Variants in RPL23A observed in about 807,000 individuals in gnomAD.
The protein encoded by RPL23A is ribosomal protein L23a.
RPL23A carries 2 observed loss-of-function variants against 17.6 expected under a neutral mutation model. That is an observed-to-expected ratio of 0.11 (90% CI 0.05 to 0.36). RPL23A has a LOEUF of 0.36. RPL23A is among the 10% of genes least tolerant of loss of function. The pLI, the probability that RPL23A is intolerant of heterozygous loss-of-function variation, is 1.00. For missense variants in RPL23A, 132 were observed against 194.4 expected, an observed-to-expected ratio of 0.68 and a Z score of 1.91; for synonymous variants, 65 against 74.3, an observed-to-expected ratio of 0.87 and a Z score of 0.65.
At chr17:28,723,442 A>G (rs1344130210) in intron 3 of RPL23A, 129 bp from the exon 4 acceptor site, 1 of 812,028 alleles carries the variant, frequency 1.2e-6, no homozygotes, top group Non-Finnish European at 2.2e-6. Context: ...CTAATGATGG[A>G]AAAATCATTA....
At position 28,721,036 on chromosome 17, in the gene RPL23A, GCTGC is replaced by G. The variant is rs2034105122; in HGVS notation, c.209+147_209+150del. On this transcript the variant is annotated intron_variant, in intron 2 of 4. Coordinates refer to ENST00000422514, the MANE Select transcript of RPL23A (RefSeq NM_000984.6). Reference sequence around the variant, plus strand: ...TTGGAAGTATGAGGAGATTGTTTCTGCTGCATTTACAAAACTGGCAGGATCAGCC... The same window carrying G: ...TTGGAAGTATGAGGAGATTGTTTCTGATTTACAAAACTGGCAGGATCAGCC... The G allele has an allele frequency of 4.0e-6, 3 of 748,212 alleles. No homozygotes were observed. In the South Asian group the frequency reaches 5.4e-5, roughly 13 times the overall value. 46.3% of individuals were successfully genotyped at this position (748,212 alleles called of 1,614,324 possible). A position where few individuals can be genotyped will look rare whatever the true frequency, so the allele number is the denominator to read the frequency against.
chr17:28,720,059 G>C (rs1345318088), intron 1 of RPL23A, 29 bp downstream of exon 1: 2 of 1,551,106 alleles, frequency 1.3e-6, no homozygotes, highest in Non-Finnish European at 1.7e-6. Flanking sequence ...GCCGCAGCTG[G>C]TTTACCGGGG....
In RPL23A at chr17:28,723,853, C is replaced by T; in HGVS notation, c.457-14C>T. 6.2e-7 allele frequency: 1 copy of T among 1,604,794 alleles called. No homozygotes were observed. Among genetic ancestry groups the T allele is most frequent in the Non-Finnish European group, 8.5e-7 (1 of 1,171,690 alleles). ...ATTTCAACTCCAGTAACGAGGCTCC[C>T]TTTTGTTTTTCAGATTGGGATCATC... is the stretch of plus-strand genomic sequence containing the variant. On this transcript the variant is annotated splice_polypyrimidine_tract_variant and intron_variant, in intron 4 of 4. Transcript: ENST00000422514.
rs147131534 is a variant in RPL23A, at chr17:28,723,616, C to T, written c.432C>T (p.Tyr144=). Residue 144 remains tyrosine (Y), a synonymous_variant, in exon 4 of 5, where the codon TAC becomes TAT. Transcript: ENST00000422514. ...CATATGTTCGACTGGCTCCTGATTA[C>T]GATGCTTTGGATGTTGCCAACAAAG... ...KKAYVRLAPD[Y]DALDVANKIG... 43 of 1,613,850 alleles carry T rather than the reference C, an allele frequency of 2.7e-5. No individual in the cohort carries two copies. Among genetic ancestry groups the T allele is most frequent in the African/African-American group, 2.3e-4 (17 of 74,852 alleles).
intron 1 of RPL23A, 183 bp downstream of exon 1, chr17:28,720,213 G>C: frequency 6.5e-7 from 1 of 1,536,032 alleles, no homozygotes; most frequent in Non-Finnish European, 8.8e-7. Context: ...GCTGAGTTCC[G>C]GTAGAGGGAG....
In RPL23A at chr17:28,720,835, C is replaced by T. The variant is rs746586969; in HGVS notation, c.154C>T (p.Leu52=). 3.1e-6 allele frequency: 5 copies of T among 1,613,994 alleles called. No homozygotes were observed. The highest frequency in any genetic ancestry group is 1.7e-5 in the Admixed American group (1 of 60,006). Reference sequence around the variant, plus strand: ...ACCCACCTTCCGGCGGCCGAAGACACTGCGACTCCGGAGACAGCCCAAATA... The same window carrying T: ...ACCCACCTTCCGGCGGCCGAAGACATTGCGACTCCGGAGACAGCCCAAATA... ...TSPTFRRPKT[L]RLRRQPKYPR... is the part of the protein sequence containing the mutation. The change falls in exon 2 of 5, where the codon CTG becomes TTG. Residue 52 remains leucine (L), a synonymous_variant. Coordinates refer to ENST00000422514, the MANE Select transcript of RPL23A (RefSeq NM_000984.6).
At position 28,724,162 on chromosome 17, in the gene RPL23A, C is replaced by T; in HGVS notation, c.*281C>T. The T allele has an allele frequency of 2.0e-6, 1 of 501,228 alleles. No homozygotes were observed. The highest frequency in any genetic ancestry group is 3.5e-6 in the Non-Finnish European group (1 of 287,950). 31.0% of individuals were successfully genotyped at this position (501,228 alleles called of 1,614,324 possible). A position where few individuals can be genotyped will look rare whatever the true frequency, so the allele number is the denominator to read the frequency against. ...GGTTGAGTAACAAGCTGTACAAGAA[C>T]CCCTTTTATCCCTGGAAGAGGCTGT... is the stretch of plus-strand genomic sequence containing the variant. On this transcript the variant is annotated 3_prime_UTR_variant, in exon 5 of 5. Transcript: ENST00000422514.
chr17:28,722,490 T>C, intron 2 of RPL23A: 1 of 663,384 alleles, frequency 1.5e-6, no homozygotes, highest in Admixed American at 1.8e-5. Flanking sequence ...AGATGATTCT[T>C]TAATCACTTG....
In RPL23A at chr17:28,722,910, C is replaced by T. The variant is rs746069733; in HGVS notation, c.386+11C>T. 4.1e-5 allele frequency: 66 copies of T among 1,611,974 alleles called. No individual in the cohort carries two copies. In the Admixed American group the frequency reaches 1.1e-3, roughly 27 times the overall value. On this transcript the variant is annotated intron_variant, in intron 3 of 4. Transcript: ENST00000422514. Reference sequence around the variant, plus strand: ...CAACACCCTGATTCGGTGAGTTGGGCCTCAAGGGATGGGGAGCAGGCTGGA... The same window carrying T: ...CAACACCCTGATTCGGTGAGTTGGGTCTCAAGGGATGGGGAGCAGGCTGGA...
chr17:28,720,735 A>G lies in RPL23A; in HGVS notation c.54A>G (p.Lys18=), dbSNP rs2151723582. Residue 18 remains lysine (K), a synonymous_variant, in exon 2 of 5, where the codon AAA becomes AAG. Transcript: ENST00000422514. ...CTGCCCCTCCTAAAGCTGAAGCCAA[A>G]GCGAAGGCTTTAAAGGCCAAGAAGG... ...EAPAPPKAEA[K]AKALKAKKAV... The G allele has an allele frequency of 6.2e-7, 1 of 1,613,996 alleles. No individual in the cohort carries two copies. Among genetic ancestry groups the G allele is most frequent in the East Asian group, 2.2e-5 (1 of 44,886 alleles).
chr17:28,723,575 G>T lies in RPL23A; in HGVS notation c.391G>T (p.Asp131Tyr), dbSNP rs779929249. The T allele has an allele frequency of 6.2e-7, 1 of 1,613,400 alleles. No individual in the cohort carries two copies. The highest frequency in any genetic ancestry group is 8.5e-7 in the Non-Finnish European group (1 of 1,179,346). Residue 131 changes from aspartate (D) to tyrosine (Y), a missense_variant, in exon 4 of 5, where the codon GAT (aspartate) becomes TAT (tyrosine). Transcript: ENST00000422514. ...VAKVNTLIRP[D>Y]GEKKAYVRLA... is the part of the protein sequence containing the mutation. ...AGGCTTCCTTCTCTACCCTAGGCCT[G>T]ATGGAGAGAAGAAGGCATATGTTCG... is the stretch of plus-strand genomic sequence containing the variant.
chr17:28,724,174 C>T lies in RPL23A; in HGVS notation c.*293C>T, dbSNP rs2151725991. On this transcript the variant is annotated 3_prime_UTR_variant, in exon 5 of 5. Coordinates refer to ENST00000422514, the MANE Select transcript of RPL23A (RefSeq NM_000984.6). ...AGCTGTACAAGAACCCCTTTTATCC[C>T]TGGAAGAGGCTGTGTATGAAACCAA... 1.0e-5 allele frequency: 5 copies of T among 496,428 alleles called. No homozygotes were observed. The highest frequency in any genetic ancestry group is 1.0e-4 in the East Asian group (3 of 30,024). 30.8% of individuals were successfully genotyped at this position (496,428 alleles called of 1,614,324 possible).
chr17:28,723,844 C>T (rs762685746), intron 4 of RPL23A, 23 bp from the exon 5 acceptor site: 62 of 1,602,872 alleles, frequency 3.9e-5, no homozygotes, highest in Non-Finnish European at 4.9e-5. Flanking sequence ...ACTCCAGTAA[C>T]GAGGCTCCCT....
chr17:28,722,059 C>G (rs2034123850), intron 2 of RPL23A: 1 of 153,074 alleles, frequency 6.5e-6, no homozygotes, highest in South Asian at 2.0e-4. Context: ...TCGTGGCTAA[C>G]ACGGTGAAAC....
intron 1 of RPL23A, 200 bp downstream of exon 1, chr17:28,720,230 G>T (rs754030643): frequency 3.2e-6 from 5 of 1,539,178 alleles, no homozygotes; most frequent in Non-Finnish European, 4.4e-6. Context: ...GGAGTTGGGG[G>T]GGGGCAACGC....
chr17:28,720,462 A>G (rs750196715), intron 1 of RPL23A: 30 of 1,609,826 alleles, frequency 1.9e-5, no homozygotes, highest in Non-Finnish European at 2.4e-5. Flanking sequence ...CATTTTCTGG[A>G]AAGTATCAAG....
chr17:28,720,154 T>G, intron 1 of RPL23A, 124 bp downstream of exon 1: 3 of 1,529,998 alleles, frequency 2.0e-6, no homozygotes, highest in South Asian at 2.4e-5. Flanking sequence ...GCTCCCTGCG[T>G]TTCGGACACG....
intron 3 of RPL23A, 24 bp downstream of exon 3, chr17:28,722,923 G>C (rs1473060511): frequency 6.2e-7 from 1 of 1,606,410 alleles, no homozygotes; most frequent in South Asian, 1.1e-5. Context: ...CAAGGGATGG[G>C]GAGCAGGCTG....
In RPL23A at chr17:28,722,719, C is replaced by T; in HGVS notation, c.210-4C>T. 1.2e-6 allele frequency: 2 copies of T among 1,614,066 alleles called. No individual in the cohort carries two copies. The highest frequency in any genetic ancestry group is 2.2e-5 in the South Asian group (2 of 91,084). ...GCCAGGTGACCCCATTTTGCCTCTC[C>T]CAGGCTTGACCACTATGCTATCATC... is the stretch of plus-strand genomic sequence containing the variant. On this transcript the variant is annotated splice_polypyrimidine_tract_variant and splice_region_variant and intron_variant, in intron 2 of 4. Transcript: ENST00000422514.
Sources: allele counts gnomAD v4.1 joint callset, GRCh38; gene constraint gnomAD v4.1.1; transcripts MANE v1.5; gene names NCBI Gene and HGNC (gene_info 2026-07-23, HGNC 2026-07-21).